The following MAP4 variants were observed in gnomAD, a reference collection of about 807,000 sequenced individuals.
MAP4 encodes the protein microtubule associated protein 4, also known as microtubule-associated protein 4.
In MAP4, 76 loss-of-function variants were observed where a neutral mutation model predicts 170.2. That is an observed-to-expected ratio of 0.45 (90% confidence interval 0.37 to 0.54). The LOEUF (loss-of-function observed/expected upper bound fraction) is 0.54, where lower values mean the gene tolerates loss of function less well. Ranked by LOEUF, MAP4 falls within the 20% of genes least tolerant of loss-of-function variation. MAP4 has a pLI of 0.00. For synonymous variants in MAP4, 909 were observed against 994.5 expected (o/e 0.91, Z 1.62); for missense variants, 2,506 against 2,748.0 (o/e 0.91, Z 1.97).
At chr3:47,981,485 C>A (rs932039549) in intron 2 of MAP4, among the ~76,000 whole-genome samples, 1 of 151,790 alleles carries the variant, frequency 6.6e-6, no homozygotes, top group Admixed American at 6.6e-5. Context: ...TAAAAAAGAA[C>A]CTGGCCAGGT....
chr3:48,009,289 C>T (rs1450364173), intron 1 of MAP4, among the ~76,000 whole-genome samples: 1 of 152,130 alleles, frequency 6.6e-6, no homozygotes, highest in African/African-American at 2.4e-5. Context: ...TCAGTAGAGA[C>T]AGGGTTTCAC....
chr3:48,024,967 T>C (rs1020348083), intron 1 of MAP4, among the ~76,000 whole-genome samples: 7 of 150,078 alleles, frequency 4.7e-5, no homozygotes, highest in African/African-American at 1.8e-4. Flanking sequence ...TTCTTTTTTT[T>C]TTTGAAGCAG....
chr3:47,974,072 A>G, intron 3 of MAP4: 13 of 985,254 alleles, frequency 1.3e-5, no homozygotes, highest in Non-Finnish European at 1.6e-5. Context: ...TTCAGTTTAA[A>G]CTTTCATGAT....
intron 4 of MAP4, among the ~76,000 whole-genome samples, chr3:47,926,475 C>T (rs560280414): frequency 2.3e-4 from 35 of 152,178 alleles, no homozygotes; most frequent in African/African-American, 7.5e-4. Flanking sequence ...TGAGCCACCA[C>T]GCCTGGCCTA....
rs773653532 is a variant in MAP4, at chr3:47,910,901, T to C, written c.3520A>G (p.Thr1174Ala). 43 of 1,536,136 alleles carry C rather than the reference T, an allele frequency of 2.8e-5. 1 individual carries two copies. In the South Asian group the frequency reaches 4.9e-4, roughly 17 times the overall value. ...SGMTQTSGVS[T>A]ETGDVVKDMG... Reference sequence around the variant, plus strand: ...TCTTTGACTACATCTCCTGTTTCTGTGCTAACACCAGAAGTCTGAGTCATG... The same window carrying C: ...TCTTTGACTACATCTCCTGTTTCTGCGCTAACACCAGAAGTCTGAGTCATG... Residue 1174 changes from threonine (T) to alanine (A), a missense_variant, in exon 9 of 21, where the codon ACA becomes GCA. Thr to Ala is a moderately conservative substitution (Grantham distance 58). This residue lies in a region of MAP4 where 2,008 missense variants were observed against 2,206.0 expected (regional missense o/e 0.91). Transcript: ENST00000683076.
intron 12 of MAP4, among the ~76,000 whole-genome samples, chr3:47,873,968 C>T (rs769272185): frequency 3.3e-5 from 5 of 152,192 alleles, no homozygotes; most frequent in African/African-American, 4.8e-5. Context: ...CTGCCAGAAT[C>T]GTAATCTACT....
At chr3:48,056,291 G>A (rs1579633763) in intron 1 of MAP4, among the ~76,000 whole-genome samples, 48 of 101,888 alleles carry the variant, frequency 4.7e-4, no homozygotes, top group East Asian at 1.8e-3. Flanking sequence ...CCGGCCAGCC[G>A]CCCCGTCCGG....
chr3:47,942,229 T>C (rs2100056965), intron 3 of MAP4, among the ~76,000 whole-genome samples: 1 of 152,174 alleles, frequency 6.6e-6, no homozygotes, highest in African/African-American at 2.4e-5. Context: ...CATTAAGAGC[T>C]AAACTTAATC....
chr3:47,999,002 A>T (rs768339624), intron 1 of MAP4, 123 bp from the exon 2 acceptor site: 1 of 646,902 alleles, frequency 1.5e-6, no homozygotes, highest in East Asian at 2.6e-5. Flanking sequence ...TACAGCTAGA[A>T]GAGGCTCCCT....
intron 3 of MAP4, among the ~76,000 whole-genome samples, chr3:47,951,814 G>C: frequency 7.0e-6 from 1 of 143,196 alleles, no homozygotes; most frequent in Non-Finnish European, 1.5e-5. Context: ...GCCGCCCATC[G>C]TCTGGGATGT....
chr3:48,008,382 A>T (rs1001429260), intron 1 of MAP4, among the ~76,000 whole-genome samples: 4 of 152,122 alleles, frequency 2.6e-5, no homozygotes, highest in Non-Finnish European at 5.9e-5. Context: ...CAGCACTACA[A>T]CCCCTTTCTA....
rs147051264 is a variant in MAP4 at position 47,892,358 on chromosome 3, T to A, written c.5434+10592A>T. On this transcript the variant is annotated intron_variant, in intron 10 of 20. Coordinates refer to ENST00000683076, the MANE Select transcript of MAP4 (RefSeq NM_001385682.1). ...CAGCCCAATTTCATTCAGTTTGCCC[T>A]CTGTCCTCTGCCATTCGAATCCGGC... The A allele has an allele frequency of 2.4e-4, 375 of 1,536,270 alleles. 1 individual carries two copies. In the African/African-American group the frequency reaches 4.6e-3, roughly 19 times the overall value.
Position 47,909,919 on chromosome 3 carries a change from G to A in MAP4, c.4502C>T (p.Pro1501Leu), listed in dbSNP as rs2100035108. 5.0e-6 allele frequency: 8 copies of A among 1,613,854 alleles called. No individual in the cohort carries two copies. Among genetic ancestry groups the A allele is most frequent in the African/African-American group, 2.7e-5 (2 of 74,930 alleles). ...AGCAACTCCTCCTGTGCTTGTAGAG[G>A]GCACAACAGCAGAGGGACCCTTGGG... ...ERPKGPSAVV[P>L]STSTGGVALP... The change falls in exon 9 of 21, where the codon CCC becomes CTC. Residue 1501 changes from proline to leucine, a missense_variant. Pro to Leu is a moderately conservative substitution (Grantham distance 98). Transcript: ENST00000683076.
At chr3:48,010,368 C>A (rs1432436236) in intron 1 of MAP4, among the ~76,000 whole-genome samples, 1 of 152,196 alleles carries the variant, frequency 6.6e-6, no homozygotes, top group Non-Finnish European at 1.5e-5. Context: ...TATGTATACA[C>A]ATGTACTAAT....
chr3:47,897,942 G>A (rs957715671), intron 10 of MAP4, among the ~76,000 whole-genome samples: 2 of 127,622 alleles, frequency 1.6e-5, no homozygotes, highest in South Asian at 2.2e-4. Context: ...ACTCCATATC[G>A]GGGGGGGGAA....
At chr3:48,009,847 G>A (rs903203418) in intron 1 of MAP4, among the ~76,000 whole-genome samples, 4 of 152,146 alleles carry the variant, frequency 2.6e-5, no homozygotes, top group Non-Finnish European at 5.9e-5. Context: ...CCAGAGGGAA[G>A]AATGCTGCCA....
Position 47,998,856 on chromosome 3 carries a change from G to T in MAP4, c.5C>A (p.Ala2Asp). M[A>D]DLSLADALTE... ...TAATGCATCTGCAAGACTGAGGTCA[G>T]CCATTCTGCACCACTGCAACTGCCT... is the stretch of plus-strand genomic sequence containing the variant. Residue 2 changes from alanine (A) to aspartate (D), a missense_variant, in exon 2 of 21, where the codon GCT becomes GAT. Physicochemically the swap from Ala to Asp is moderately radical, Grantham distance 126. This residue lies in a region of MAP4 where 2,008 missense variants were observed against 2,206.0 expected (regional missense o/e 0.91). Transcript: ENST00000683076. 6.2e-7 allele frequency: 1 copy of T among 1,612,170 alleles called. No homozygotes were observed. Among genetic ancestry groups the T allele is most frequent in the South Asian group, 1.1e-5 (1 of 91,042 alleles).
chr3:48,035,340 A>C (rs947765432), intron 1 of MAP4, among the ~76,000 whole-genome samples: 2 of 151,838 alleles, frequency 1.3e-5, no homozygotes, highest in African/African-American at 4.8e-5. Flanking sequence ...CCATATAAAA[A>C]AATAAGAACT....
In MAP4 at chr3:47,916,282, A is replaced by T; in HGVS notation, c.1545T>A (p.Ala515=). The change falls in exon 7 of 21, where the codon GCT becomes GCA. Residue 515 remains alanine (A), a synonymous_variant. Coordinates refer to ENST00000683076, the MANE Select transcript of MAP4 (RefSeq NM_001385682.1). ...GAGGTGGAGTCACATCCTTGCCCAG[A>T]GCCATTTCTGTTTCTGATAGTGGAG... ...DMSPLSETEM[A]LGKDVTPPPE... 6.2e-7 allele frequency: 1 copy of T among 1,614,162 alleles called. No individual in the cohort carries two copies. The highest frequency in any genetic ancestry group is 8.5e-7 in the Non-Finnish European group (1 of 1,180,028).
Sources: allele counts gnomAD v4.1 joint callset (sites outside exome capture counted in the v4.1 genomes callset), GRCh38; gene constraint gnomAD v4.1.1; regional missense constraint gnomAD v4.1.1; transcripts MANE v1.5; gene names NCBI Gene and HGNC (gene_info 2026-07-23, HGNC 2026-07-21).